The following DAGLB variants were observed in gnomAD, a reference collection of about 807,000 sequenced individuals.
The protein encoded by DAGLB is diacylglycerol lipase-beta.
In DAGLB, 66 loss-of-function variants were observed where a neutral mutation model predicts 72.1. The observed-to-expected ratio is 0.92, with a 90% CI of 0.75 to 1.12. The LOEUF (loss-of-function observed/expected upper bound fraction) is 1.12, where lower values mean the gene tolerates loss of function less well. DAGLB is among the 50% of genes most tolerant of loss of function. The pLI is 0.00. For missense variants in DAGLB, 1,065 were observed against 884.9 expected, an observed-to-expected ratio of 1.20 and a Z score of -2.58; for synonymous variants, 414 against 359.5, an observed-to-expected ratio of 1.15 and a Z score of -1.71.
chr7:6,441,361 G>C (rs574172482), intron 2 of DAGLB, among the ~76,000 whole-genome samples: 2 of 145,062 alleles, frequency 1.4e-5, no homozygotes, highest in African/African-American at 5.1e-5. Context: ...AAAGTGCTGG[G>C]ATTACAGGCG....
At chr7:6,432,686 A>AG (rs1784523973) in intron 5 of DAGLB, 151 bp downstream of exon 5, 2 of 271,954 alleles carry the variant, frequency 7.4e-6, no homozygotes. Flanking sequence ...AAGGTGGGAG[A>AG]GGGGAGGGAA....
At chr7:6,415,634 G>A (rs1244126924) in intron 11 of DAGLB, among the ~76,000 whole-genome samples, 1 of 151,184 alleles carries the variant, frequency 6.6e-6, no homozygotes, top group African/African-American at 2.4e-5. Flanking sequence ...TCAGAAGACA[G>A]GAGATCGAGA....
chr7:6,422,239 C>A, intron 8 of DAGLB: 1 of 325,208 alleles, frequency 3.1e-6, no homozygotes, highest in South Asian at 2.4e-5. Flanking sequence ...GAGGATGGGG[C>A]ACAGCCCAGG....
In DAGLB at chr7:6,409,990, G is replaced by C. The variant is rs376704956; in HGVS notation, c.1866C>G (p.His622Gln). 6.2e-7 allele frequency: 1 copy of C among 1,614,136 alleles called. No homozygotes were observed. The highest frequency in any genetic ancestry group is 1.1e-5 in the South Asian group (1 of 91,086). The stretch of plus-strand genomic sequence containing the variant: ...TGAGTATTTTGCTGAATTCCGCTTC[G>C]TGTGACCACTTGGCGCTATAGTGAG... ...SAAHYSAKWS[H>Q]EAEFSKILIG... The change falls in exon 15 of 15, where the codon CAC (histidine) becomes CAG (glutamine). Residue 622 changes from histidine to glutamine, a missense_variant. By Grantham distance (24) the His-to-Gln change is conservative. Coordinates refer to ENST00000297056, the MANE Select transcript of DAGLB (RefSeq NM_139179.4).
chr7:6,447,128 G>C (rs933797298), intron 1 of DAGLB, among the ~76,000 whole-genome samples: 2 of 152,196 alleles, frequency 1.3e-5, no homozygotes, highest in African/African-American at 2.4e-5. Flanking sequence ...CGTGAGCCAT[G>C]GCGCCCAGCC....
At position 6,418,344 on chromosome 7, in the gene DAGLB, G is replaced by C. The variant is rs997466886; in HGVS notation, c.1219-1423C>G. Among the ~76,000 whole-genome samples the C allele has an allele frequency of 3.3e-5, 5 of 152,044 alleles. No homozygotes were observed. In the South Asian group the frequency reaches 1.0e-3, roughly 32 times the overall value. Reference sequence around the variant, plus strand: ...TGATTGCACCACTGCACTCCAGCCTGGGTGGCACAGTGAGACTCTTTCTGA... The same window carrying C: ...TGATTGCACCACTGCACTCCAGCCTCGGTGGCACAGTGAGACTCTTTCTGA... On this transcript the variant is annotated intron_variant, in intron 9 of 14. Coordinates refer to ENST00000297056, the MANE Select transcript of DAGLB (RefSeq NM_139179.4).
At chr7:6,424,931 G>C in intron 7 of DAGLB, 96 bp from the exon 8 acceptor site, 1 of 1,229,724 alleles carries the variant, frequency 8.1e-7, no homozygotes, top group Non-Finnish European at 1.2e-6. Context: ...GACAGCCCAA[G>C]TCCTGCGGCA....
chr7:6,417,744 G>A (rs892127944), intron 9 of DAGLB: 31 of 152,210 alleles, frequency 2.0e-4, no homozygotes, highest in African/African-American at 6.3e-4. Context: ...ACGAAGTTCT[G>A]AATCAAAGAC....
At chr7:6,441,354 G>T (rs958028675) in intron 2 of DAGLB, among the ~76,000 whole-genome samples, 1 of 151,432 alleles carries the variant, frequency 6.6e-6, no homozygotes. Flanking sequence ...GCCTCCCAAA[G>T]TGCTGGGATT....
chr7:6,429,552 A>T (rs904141448), intron 6 of DAGLB, among the ~76,000 whole-genome samples: 3 of 151,824 alleles, frequency 2.0e-5, no homozygotes, highest in African/African-American at 7.3e-5. Context: ...ACTTGAGGTC[A>T]GGAGTTTGAG....
chr7:6,417,113 G>T (rs185311314), intron 9 of DAGLB, 192 bp from the exon 10 acceptor site: 3 of 620,788 alleles, frequency 4.8e-6, no homozygotes, highest in African/African-American at 3.7e-5. Flanking sequence ...CGTGAAGCAG[G>T]TGCCAGGTGT....
rs369050122 is a variant in DAGLB at position 6,447,944 on chromosome 7, A to G, written c.-102T>C. The G allele has an allele frequency of 2.6e-3, 3,843 of 1,458,400 alleles. 22 individuals carry two copies. The highest frequency in any genetic ancestry group is 0.021 in the East Asian group (835 of 38,944). The allele number at this position is 1,458,400 out of a possible 1,614,324, so 90.3% of individuals were successfully genotyped here. ...GCCGCCACCAAATTATCGGCGCTCA[A>G]GCGCAAACGCAGCGAGGGCGGGGAC... On this transcript the variant is annotated 5_prime_UTR_variant, in exon 1 of 15. Transcript: ENST00000297056.
rs756352348 is a variant in DAGLB, at chr7:6,421,737, A to G, written c.1208T>C (p.Leu403Pro). The G allele has an allele frequency of 2.1e-5, 34 of 1,610,720 alleles. No individual in the cohort carries two copies. Among genetic ancestry groups the G allele is most frequent in the Admixed American group, 3.3e-5 (2 of 59,936 alleles). Residue 403 changes from leucine to proline, a missense_variant, in exon 9 of 15, where the codon CTG (leucine) becomes CCG (proline). Physicochemically the swap from Leu to Pro is moderately conservative, Grantham distance 98. Coordinates refer to ENST00000297056, the MANE Select transcript of DAGLB (RefSeq NM_139179.4). ...LDVECEVQDR[L>P]AHKGISQAAR... Reference sequence around the variant, plus strand: ...AGTCCGCGCTCATACCTTGTGTGCCAGGCGGTCCTGCACCTCACACTCCAC... The same window carrying G: ...AGTCCGCGCTCATACCTTGTGTGCCGGGCGGTCCTGCACCTCACACTCCAC...
chr7:6,430,587 T>C lies in DAGLB; in HGVS notation c.822A>G (p.Glu274=). The C allele has an allele frequency of 6.2e-7, 1 of 1,602,774 alleles. No individual in the cohort carries two copies. The highest frequency in any genetic ancestry group is 8.5e-7 in the Non-Finnish European group (1 of 1,172,742). ...GCATGTAATGATGGCAGTTTTCTAA[T>C]TCTGCATCCAGATCAGCTTCCTACA... ...GSSQEADLDA[E]LENCHHYMQF... The change falls in exon 6 of 15, where the codon GAA becomes GAG. Residue 274 remains glutamate (E), a synonymous_variant. Transcript: ENST00000297056.
At chr7:6,419,880 G>A (rs752767225) in intron 9 of DAGLB, among the ~76,000 whole-genome samples, 3 of 152,208 alleles carry the variant, frequency 2.0e-5, no homozygotes, top group East Asian at 3.8e-4. Flanking sequence ...GGTGGCTCAC[G>A]CCTGCAATCC....
rs1421165932 is a variant in DAGLB at position 6,432,657 on chromosome 7, C to CT, written c.801+179dup. On this transcript the variant is annotated intron_variant, in intron 5 of 14. Coordinates refer to ENST00000297056, the MANE Select transcript of DAGLB (RefSeq NM_139179.4). Reference sequence around the variant, plus strand: ...CCTGGGCGACAGAGCGAGACTCCGTCTTAAAAAAAAAAAAAAAAAAGGTGG... The same window carrying CT: ...CCTGGGCGACAGAGCGAGACTCCGTCTTTAAAAAAAAAAAAAAAAAAGGTGG... 2.4e-4 allele frequency among the ~76,000 whole-genome samples: 21 copies of CT among 86,730 alleles called. No homozygotes were observed. In the East Asian group the frequency reaches 6.2e-3, roughly 26 times the overall value. 56.9% of individuals were successfully genotyped at this position (86,730 alleles called of 152,430 possible).
At chr7:6,433,373 G>C (rs1784553357) in intron 4 of DAGLB, among the ~76,000 whole-genome samples, 1 of 152,290 alleles carries the variant, frequency 6.6e-6, no homozygotes, top group South Asian at 2.1e-4. Flanking sequence ...GTGGATGGTA[G>C]AGATTTATGA....
chr7:6,436,081 GA>G (rs1363817197), intron 3 of DAGLB, among the ~76,000 whole-genome samples: 2 of 120,668 alleles, frequency 1.7e-5, no homozygotes, highest in African/African-American at 3.2e-5. Context: ...AAGACTTTAA[GA>G]AAAAAAGAAA....
At position 6,434,922 on chromosome 7, in the gene DAGLB, A is replaced by G; in HGVS notation, c.518T>C (p.Leu173Pro). The G allele has an allele frequency of 6.2e-7, 1 of 1,614,182 alleles. No individual in the cohort carries two copies. Among genetic ancestry groups the G allele is most frequent in the Non-Finnish European group, 8.5e-7 (1 of 1,180,050 alleles). ...APYSSAGPSH[L>P]DSHDSSQLLN... is the part of the protein sequence containing the mutation. ...TAACTGGCTTGAATCATGACTATCC[A>G]GGTGGCTGGGGCCGGCAGAGGAATA... The change falls in exon 4 of 15, where the codon CTG (leucine) becomes CCG (proline). Residue 173 changes from leucine (L) to proline (P), a missense_variant. Leu to Pro is a moderately conservative substitution (Grantham distance 98). Coordinates refer to ENST00000297056, the MANE Select transcript of DAGLB (RefSeq NM_139179.4).
Sources: allele counts gnomAD v4.1 joint callset (sites outside exome capture counted in the v4.1 genomes callset), GRCh38; gene constraint gnomAD v4.1.1; transcripts MANE v1.5; gene names NCBI Gene and HGNC (gene_info 2026-07-23, HGNC 2026-07-21).